Variants in TBC1D5 observed in about 807,000 individuals in gnomAD.
TBC1D5 encodes TBC1 domain family member 5.
TBC1D5 carries 75 observed loss-of-function variants against 100.3 expected under a neutral mutation model. The ratio of observed to expected loss-of-function variants is 0.75; its 90% CI spans 0.62 to 0.91. TBC1D5 has a LOEUF of 0.91. Among genes scored for constraint, TBC1D5 ranks in the 40% least tolerant of loss-of-function variants. The probability of loss-of-function intolerance (pLI) is 0.00; values close to 1 mark genes in which losing one functional copy is unlikely to be tolerated. For synonymous variants in TBC1D5, 323 were observed against 325.6 expected (o/e 0.99, Z 0.09); for missense variants, 910 against 942.4 (o/e 0.97, Z 0.45).
At chr3:17,445,174 C>G (rs1338837275) in intron 3 of TBC1D5, among the ~76,000 whole-genome samples, 1 of 152,104 alleles carries the variant, frequency 6.6e-6, no homozygotes, top group Non-Finnish European at 1.5e-5. Flanking sequence ...GTGCTAAGGG[C>G]ATATTCTGTT....
At chr3:17,580,450 A>G (rs2096686610) in intron 2 of TBC1D5, among the ~76,000 whole-genome samples, 1 of 152,170 alleles carries the variant, frequency 6.6e-6, no homozygotes, top group South Asian at 2.1e-4. Flanking sequence ...TAGTACAAAG[A>G]TCAACCAAAT....
intron 1 of TBC1D5, among the ~76,000 whole-genome samples, chr3:17,736,706 T>C (rs1326258925): frequency 6.6e-6 from 1 of 152,066 alleles, no homozygotes; most frequent in South Asian, 2.1e-4. Flanking sequence ...AAAGTCTCAA[T>C]ATAAAGTCAA....
intron 2 of TBC1D5, among the ~76,000 whole-genome samples, chr3:17,570,957 G>C (rs758964691): frequency 1.3e-5 from 2 of 151,912 alleles, no homozygotes; most frequent in Non-Finnish European, 2.9e-5. Flanking sequence ...ACAGGTTTTC[G>C]AGGTGTTTCA....
intron 1 of TBC1D5, among the ~76,000 whole-genome samples, chr3:17,713,960 G>A (rs1051780218): frequency 5.3e-5 from 8 of 152,146 alleles, no homozygotes; most frequent in Non-Finnish European, 1.2e-4. Flanking sequence ...TTGTATAATA[G>A]CCAAATAAAT....
chr3:17,661,719 C>G (rs1199511184), intron 1 of TBC1D5, among the ~76,000 whole-genome samples: 1 of 151,992 alleles, frequency 6.6e-6, no homozygotes, highest in Admixed American at 6.6e-5. Flanking sequence ...AGGATGGTCT[C>G]GATCTCCTGA....
At chr3:17,601,895 T>C (rs1283519271) in intron 2 of TBC1D5, among the ~76,000 whole-genome samples, 1 of 152,134 alleles carries the variant, frequency 6.6e-6, no homozygotes, top group Non-Finnish European at 1.5e-5. Flanking sequence ...AGTGGCGCGA[T>C]CTCGGCTCAC....
At chr3:17,588,307 AT>A (rs1264956396) in intron 2 of TBC1D5, among the ~76,000 whole-genome samples, 1 of 152,008 alleles carries the variant, frequency 6.6e-6, no homozygotes, top group African/African-American at 2.4e-5. Flanking sequence ...CACAAAAAAA[AT>A]CTCTACAGTA....
intron 1 of TBC1D5, among the ~76,000 whole-genome samples, chr3:17,694,489 G>C (rs1294450657): frequency 6.6e-6 from 1 of 152,150 alleles, no homozygotes; most frequent in African/African-American, 2.4e-5. Context: ...CTAGAAGAAA[G>C]GGTATCAGTG....
intron 13 of TBC1D5, among the ~76,000 whole-genome samples, chr3:17,322,284 A>ATGTTTC (rs1279021292): frequency 1.3e-5 from 2 of 152,068 alleles, no homozygotes; most frequent in Non-Finnish European, 2.9e-5. Flanking sequence ...TTTGTTTTCA[A>ATGTTTC]TGTTTCTGTT....
chr3:17,238,263 A>G, exon 17 of TBC1D5: 1 of 1,614,038 alleles, frequency 6.2e-7, no homozygotes, highest in Non-Finnish European at 8.5e-7. Flanking sequence ...AGGTCCTGGT[A>G]GGAATTACAA....
chr3:17,392,323 ATCT>A (rs945107397), intron 8 of TBC1D5, among the ~76,000 whole-genome samples: 11 of 152,022 alleles, frequency 7.2e-5, no homozygotes, highest in African/African-American at 2.4e-4. Context: ...TTATGCTAAC[ATCT>A]TCTTTCTACA....
At chr3:17,281,997 G>A (rs2080657250) in intron 15 of TBC1D5, among the ~76,000 whole-genome samples, 1 of 151,956 alleles carries the variant, frequency 6.6e-6, no homozygotes, top group African/African-American at 2.4e-5. Flanking sequence ...GAAATACTAA[G>A]AAGTCCCTTT....
intron 18 of TBC1D5, among the ~76,000 whole-genome samples, chr3:17,198,733 G>A (rs2071056529): frequency 6.6e-6 from 1 of 152,122 alleles, no homozygotes; most frequent in African/African-American, 2.4e-5. Context: ...GCAGAGAGAT[G>A]GCAAGAAACT....
At position 17,166,639 on chromosome 3, in the gene TBC1D5, C is replaced by T. The variant is rs74598068; in HGVS notation, c.2094+128G>A. The T allele has an allele frequency of 1.1e-3, 1,471 of 1,299,496 alleles. 13 individuals are homozygous for T. The East Asian group carries it at 0.018, about 15-fold the overall frequency. 80.5% of individuals were successfully genotyped at this position (1,299,496 alleles called of 1,614,324 possible). Reference sequence around the variant, plus strand: ...ACAGCCTGCACAGCTGTACACAGCACCTCCGCAGTTGAACTTCATACATGG... The same window carrying T: ...ACAGCCTGCACAGCTGTACACAGCATCTCCGCAGTTGAACTTCATACATGG... On this transcript the variant is annotated intron_variant, in intron 21 of 21. Transcript: ENST00000253692.
intron 15 of TBC1D5, among the ~76,000 whole-genome samples, chr3:17,279,264 C>T (rs1281122440): frequency 6.6e-6 from 1 of 152,170 alleles, no homozygotes; most frequent in African/African-American, 2.4e-5. Context: ...TGGGTCCTGA[C>T]ATCTCTCAGG....
At chr3:17,343,767 A>G (rs2089400002) in intron 13 of TBC1D5, among the ~76,000 whole-genome samples, 1 of 152,148 alleles carries the variant, frequency 6.6e-6, no homozygotes, top group Admixed American at 6.5e-5. Context: ...AGGTGTTGGT[A>G]GTATTCTCTG....
At chr3:17,701,878 G>T (rs1337680678) in intron 1 of TBC1D5, among the ~76,000 whole-genome samples, 1 of 151,116 alleles carries the variant, frequency 6.6e-6, no homozygotes, top group Non-Finnish European at 1.5e-5. Context: ...CTAAGAATAA[G>T]GGCTAGATGT....
intron 8 of TBC1D5, among the ~76,000 whole-genome samples, chr3:17,384,755 C>T (rs1026882658): frequency 2.0e-5 from 3 of 151,940 alleles, no homozygotes; most frequent in Non-Finnish European, 4.4e-5. Context: ...TGCAGCATAA[C>T]ATGGTAATTA....
chr3:17,224,209 A>G (rs2074597559), intron 17 of TBC1D5, among the ~76,000 whole-genome samples: 1 of 152,308 alleles, frequency 6.6e-6, no homozygotes, highest in East Asian at 1.9e-4. Flanking sequence ...GGTCATTACC[A>G]GTTTCACCTG....
Sources: allele counts gnomAD v4.1 joint callset (sites outside exome capture counted in the v4.1 genomes callset), GRCh38; gene constraint gnomAD v4.1.1; transcripts MANE v1.5; gene names NCBI Gene and HGNC (gene_info 2026-07-23, HGNC 2026-07-21).